Variants in FBN1 observed in about 807,000 individuals in gnomAD.
The protein encoded by FBN1 is fibrillin-1.
In FBN1, 29 loss-of-function variants were observed where a neutral mutation model predicts 365.1. The ratio of observed to expected loss-of-function variants is 0.08; its 90% CI spans 0.06 to 0.11. The LOEUF (loss-of-function observed/expected upper bound fraction) is 0.11, where lower values mean the gene tolerates loss of function less well. FBN1 is among the 10% of genes least tolerant of loss of function. FBN1 has a pLI of 1.00. For synonymous variants in FBN1, 1,210 were observed against 1,270.5 expected, an observed-to-expected ratio of 0.95 and a Z score of 1.01; for missense variants, 2,476 against 3,703.2, an observed-to-expected ratio of 0.67 and a Z score of 8.60.
intron 9 of FBN1, among the ~76,000 whole-genome samples, chr15:48,521,291 T>G (rs569981316): frequency 6.6e-6 from 1 of 152,358 alleles, no homozygotes; most frequent in East Asian, 1.9e-4. Flanking sequence ...TTTTCCAGTC[T>G]GCAACTGTGA....
intron 8 of FBN1, among the ~76,000 whole-genome samples, chr15:48,528,063 CT>C (rs755001571): frequency 2.6e-5 from 4 of 152,154 alleles, no homozygotes; most frequent in African/African-American, 4.8e-5. Flanking sequence ...AAGAATGTAC[CT>C]TTTTCAAAGT....
At chr15:48,445,281 G>T in intron 48 of FBN1, 95 bp downstream of exon 48, 2 of 1,402,196 alleles carry the variant, frequency 1.4e-6, no homozygotes, top group East Asian at 2.3e-5. Flanking sequence ...TTTTCCTCCA[G>T]GTTTCCAGAA....
At chr15:48,468,220 A>C (rs1360134587) in intron 37 of FBN1, 118 bp from the exon 38 acceptor site, 1 of 1,416,296 alleles carries the variant, frequency 7.1e-7, no homozygotes, top group Non-Finnish European at 9.9e-7. Context: ...GAGAAACTAA[A>C]AAGTGCCCAT....
rs1566892689 is a variant in FBN1 at position 48,425,364 on chromosome 15, T to C, written c.7453+5A>G. On this transcript the variant is annotated splice_donor_5th_base_variant and intron_variant, in intron 60 of 65. Transcript: ENST00000316623. Reference sequence around the variant, plus strand: ...GGTGAGGGGCAATGGTCAATTCTACTTTACCTTTGCAGCTCCTTCCATCCT... The same window carrying C: ...GGTGAGGGGCAATGGTCAATTCTACCTTACCTTTGCAGCTCCTTCCATCCT... 1.9e-6 allele frequency: 3 copies of C among 1,614,052 alleles called. No individual in the cohort carries two copies. The highest frequency in any genetic ancestry group is 2.5e-6 in the Non-Finnish European group (3 of 1,180,004).
chr15:48,577,517 G>A (rs2044358370), intron 6 of FBN1, among the ~76,000 whole-genome samples: 1 of 152,056 alleles, frequency 6.6e-6, no homozygotes, highest in African/African-American at 2.4e-5. Context: ...ACTCTTTCCT[G>A]GCCTACTTAA....
At chr15:48,445,333 T>C (rs1248893036) in intron 48 of FBN1, 43 bp downstream of exon 48, 1 of 1,606,092 alleles carries the variant, frequency 6.2e-7, no homozygotes, top group African/African-American at 1.3e-5. Flanking sequence ...TTGAGTGGTC[T>C]CTGGAAGCAT....
intron 53 of FBN1, among the ~76,000 whole-genome samples, chr15:48,435,898 G>T (rs2043068854): frequency 6.6e-6 from 1 of 151,380 alleles, no homozygotes; most frequent in African/African-American, 2.4e-5. Flanking sequence ...CCTTAGGAAA[G>T]AAATAATTTT....
Position 48,421,641 on chromosome 15 carries a change from C to G in FBN1, c.7616G>C (p.Gly2539Ala). Residue 2539 changes from glycine (G) to alanine (A), a missense_variant, in exon 62 of 66, where the codon GGC becomes GCC. Coordinates refer to ENST00000316623, the MANE Select transcript of FBN1 (RefSeq NM_000138.5). ...TSDINLCGSKGICQNTPGSFT... is the reference protein window; with the variant it reads ...TSDINLCGSKAICQNTPGSFT... ...GCTTCCAGGAGTGTTCTGGCAAATG[C>G]CCTTAGACCCGCACAGATTGATGTC... 1 of 1,613,870 alleles carries G rather than the reference C, an allele frequency of 6.2e-7. No homozygotes were observed. The highest frequency in any genetic ancestry group is 8.5e-7 in the Non-Finnish European group (1 of 1,179,926).
At chr15:48,461,042 T>C (rs1453663750) in intron 42 of FBN1, among the ~76,000 whole-genome samples, 1 of 152,186 alleles carries the variant, frequency 6.6e-6, no homozygotes, top group South Asian at 2.1e-4. Context: ...CAGATGGCCA[T>C]TGCCTTATTG....
In FBN1 at chr15:48,465,684, T is replaced by G; in HGVS notation, c.4826A>C (p.Glu1609Ala). The G allele has an allele frequency of 1.9e-6, 3 of 1,614,092 alleles. No homozygotes were observed. Among genetic ancestry groups the G allele is most frequent in the Non-Finnish European group, 2.5e-6 (3 of 1,179,958 alleles). Reference sequence around the variant, plus strand: ...GCACAGCCCTGGTAGCTCCTGGCACTCATCAATATCTATCAAAATCAAAAC... The same window carrying G: ...GCACAGCCCTGGTAGCTCCTGGCACGCATCAATATCTATCAAAATCAAAAC... ...PITVILEDID[E>A]CQELPGLCQG... The change falls in exon 40 of 66, where the codon GAG becomes GCG. Residue 1609 changes from glutamate to alanine, a missense_variant. Physicochemically the swap from Glu to Ala is moderately radical, Grantham distance 107. This residue lies in a region of FBN1 where 1,780 missense variants were observed against 2,840.8 expected (regional missense o/e 0.63). Transcript: ENST00000316623.
In FBN1 at chr15:48,545,541, A is replaced by G. The variant is rs79766081; in HGVS notation, c.539-7733T>C. ...AGTCAAATTCATAGACAGCAGTGCA[A>G]TGATGGTTGCCAGGGATTTAGGGGA... On this transcript the variant is annotated intron_variant, in intron 6 of 65. Transcript: ENST00000316623. Among the ~76,000 whole-genome samples, 2,752 of 152,246 alleles carry G rather than the reference A, an allele frequency of 0.018. 211 individuals are homozygous for G. In the East Asian group the frequency reaches 0.24, roughly 13 times the overall value.
chr15:48,588,447 C>T (rs2140699494), intron 6 of FBN1, among the ~76,000 whole-genome samples: 1 of 151,878 alleles, frequency 6.6e-6, no homozygotes, highest in East Asian at 1.9e-4. Flanking sequence ...AAATGTGGGG[C>T]TAACGACATA....
chr15:48,642,626 C>T (rs1017894350), intron 2 of FBN1: 1 of 150,798 alleles, frequency 6.6e-6, no homozygotes, highest in African/African-American at 2.4e-5. Context: ...CAGGGAAATA[C>T]TTTTAATTGT....
intron 6 of FBN1, among the ~76,000 whole-genome samples, chr15:48,580,557 G>A (rs1290971651): frequency 3.3e-5 from 5 of 152,110 alleles, no homozygotes; most frequent in African/African-American, 4.8e-5. Flanking sequence ...TCAAAAGACC[G>A]GGTTGTTCTG....
intron 6 of FBN1, among the ~76,000 whole-genome samples, chr15:48,567,403 C>T (rs2044265576): frequency 6.6e-6 from 1 of 152,006 alleles, no homozygotes; most frequent in Non-Finnish European, 1.5e-5. Flanking sequence ...GTGTACCATC[C>T]TTCCTTCCCC....
intron 32 of FBN1, among the ~76,000 whole-genome samples, chr15:48,480,915 A>G (rs1458006825): frequency 6.6e-6 from 1 of 152,228 alleles, no homozygotes; most frequent in Non-Finnish European, 1.5e-5. Flanking sequence ...AAACTTTATT[A>G]TATCATTCCA....
chr15:48,466,507 A>G (rs2043323304), intron 38 of FBN1, among the ~76,000 whole-genome samples: 1 of 152,206 alleles, frequency 6.6e-6, no homozygotes, highest in Admixed American at 6.5e-5. Flanking sequence ...CAGGACGGTG[A>G]TATGTACAGG....
intron 44 of FBN1, among the ~76,000 whole-genome samples, chr15:48,454,446 AAAACAACAACAAC>A (rs902242440): frequency 5.3e-5 from 8 of 152,056 alleles, no homozygotes; most frequent in Admixed American, 4.6e-4. Flanking sequence ...TCTACAAAAC[AAAACAACAACAAC>A]AAACAACAAC....
At chr15:48,502,004 T>A (rs933407435) in intron 17 of FBN1, among the ~76,000 whole-genome samples, 2 of 152,152 alleles carry the variant, frequency 1.3e-5, no homozygotes, top group Non-Finnish European at 2.9e-5. Flanking sequence ...AGCAGTTTTT[T>A]TCTTTAAATA....
Sources: allele counts gnomAD v4.1 joint callset (sites outside exome capture counted in the v4.1 genomes callset), GRCh38; gene constraint gnomAD v4.1.1; regional missense constraint gnomAD v4.1.1; transcripts MANE v1.5; gene names NCBI Gene and HGNC (gene_info 2026-07-23, HGNC 2026-07-21).